Variants in HLCS observed in about 807,000 individuals in gnomAD.
The protein encoded by HLCS is biotin--protein ligase.
Under a neutral mutation model 75.0 loss-of-function variants are expected in HLCS, and 53 were observed. The observed-to-expected ratio is 0.71, with a 90% CI of 0.57 to 0.89. The LOEUF (loss-of-function observed/expected upper bound fraction) is 0.89, where lower values mean the gene tolerates loss of function less well. Ranked by LOEUF, HLCS falls within the 40% of genes least tolerant of loss-of-function variation. The pLI is 0.00. For missense variants in HLCS, 966 were observed against 1,074.0 expected (o/e 0.90, Z 1.41); for synonymous variants, 431 against 428.6 (o/e 1.01, Z -0.07).
At position 36,930,307 on chromosome 21, in the gene HLCS, A is replaced by T; in HGVS notation, c.1564T>A (p.Cys522Ser). Residue 522 changes from cysteine (C) to serine (S), a missense_variant, in exon 5 of 11, where the codon TGT becomes AGT. Transcript: ENST00000674895. Reference sequence around the variant, plus strand: ...AAGGCAGGAACTTGTTTCATGTCACAGCTGAGGCCAAGGGTTGTCAGAATC... The same window carrying T: ...AAGGCAGGAACTTGTTTCATGTCACTGCTGAGGCCAAGGGTTGTCAGAATC... Reference protein sequence around the residue: ...REILTTLGLSCDMKQVPALTP... With the variant: ...REILTTLGLSSDMKQVPALTP... 6.2e-7 allele frequency: 1 copy of T among 1,614,180 alleles called. No homozygotes were observed. Among genetic ancestry groups the T allele is most frequent in the South Asian group, 1.1e-5 (1 of 91,086 alleles).
intron 6 of HLCS, among the ~76,000 whole-genome samples, chr21:36,774,627 T>C (rs147207435): frequency 6.6e-6 from 1 of 152,136 alleles, no homozygotes; most frequent in African/African-American, 2.4e-5. Flanking sequence ...GTTTTACGAC[T>C]CCTCAAAAAT....
At chr21:36,761,870 C>T (rs1406112235) in intron 8 of HLCS, among the ~76,000 whole-genome samples, 2 of 152,190 alleles carry the variant, frequency 1.3e-5, no homozygotes, top group Non-Finnish European at 2.9e-5. Flanking sequence ...GCAGAGTTCC[C>T]AGAGCTGTCA....
At position 36,749,736 on chromosome 21, in the gene HLCS, T is replaced by C. The variant is rs1467746556; in HGVS notation, c.*4510A>G. ...TAATTAAACCGTGATTCTTGAAAGG[T>C]GTAGGTTTGATTACTAGGAGATACC... On this transcript the variant is annotated 3_prime_UTR_variant, in exon 11 of 11. Coordinates refer to ENST00000674895, the MANE Select transcript of HLCS (RefSeq NM_001352514.2). 1 of 152,168 alleles carries C rather than the reference T, an allele frequency of 6.6e-6. No homozygotes were observed. Among genetic ancestry groups the C allele is most frequent in the Non-Finnish European group, 1.5e-5 (1 of 68,030 alleles). The allele number at this position is 152,168 out of a possible 1,614,324, so 9.4% of individuals were successfully genotyped here.
intron 1 of HLCS, among the ~76,000 whole-genome samples, chr21:36,963,030 G>C: frequency 6.6e-6 from 1 of 152,192 alleles, no homozygotes; most frequent in South Asian, 2.1e-4. Context: ...TAAATCCAGA[G>C]AGAAAAGCTA....
rs775183117 is a variant in HLCS at position 36,896,985 on chromosome 21, G to A, written c.1767C>T (p.Asn589=). The A allele has an allele frequency of 1.2e-6, 2 of 1,614,174 alleles. No individual in the cohort carries two copies. Among genetic ancestry groups the A allele is most frequent in the Non-Finnish European group, 1.7e-6 (2 of 1,180,020 alleles). Residue 589 remains asparagine, a synonymous_variant, in exon 6 of 11, where the codon AAC becomes AAT. Coordinates refer to ENST00000674895, the MANE Select transcript of HLCS (RefSeq NM_001352514.2). ...ITPSCIPVVT[N]MEAFSSEHFN... is the part of the protein sequence containing the mutation. Reference sequence around the variant, plus strand: ...AATGTTCTGATGAGAAGGCCTCCATGTTGGTCACCACAGGTATACAAGATG... The same window carrying A: ...AATGTTCTGATGAGAAGGCCTCCATATTGGTCACCACAGGTATACAAGATG...
Position 36,755,724 on chromosome 21 carries a change from GCAGGGC to G in HLCS, c.2450+812_2450+817del. ...GTTTGTGCGCAGACCTGACATTTTT[GCAGGGC>G]ACAGGCCTGTTGTTGTGGAATCAGT... On this transcript the variant is annotated intron_variant, in intron 10 of 10. Transcript: ENST00000674895. 1.3e-5 allele frequency among the ~76,000 whole-genome samples: 2 copies of G among 152,180 alleles called. 1 individual carries two copies. The highest frequency in any genetic ancestry group is 3.9e-4 in the East Asian group (2 of 5,190).
At chr21:36,805,263 G>A (rs2061329113) in intron 6 of HLCS, among the ~76,000 whole-genome samples, 1 of 152,036 alleles carries the variant, frequency 6.6e-6, no homozygotes, top group African/African-American at 2.4e-5. Flanking sequence ...TTTCTCTCTC[G>A]GTTAACCCTC....
chr21:36,833,704 T>C (rs767605383), intron 6 of HLCS, among the ~76,000 whole-genome samples: 2 of 151,404 alleles, frequency 1.3e-5, no homozygotes, highest in African/African-American at 4.9e-5. Flanking sequence ...CAGAAGAGGA[T>C]AAGGCATCAG....
chr21:36,829,635 G>A (rs1483311377), intron 6 of HLCS, among the ~76,000 whole-genome samples: 1 of 152,156 alleles, frequency 6.6e-6, no homozygotes, highest in African/African-American at 2.4e-5. Flanking sequence ...GGTTCACGGT[G>A]CCATCCAATG....
intron 6 of HLCS, among the ~76,000 whole-genome samples, chr21:36,820,368 CGGCCG>C (rs1569056653): frequency 1.4e-5 from 2 of 146,848 alleles, no homozygotes; most frequent in Admixed American, 1.3e-4. Context: ...TGCCCAGCCA[CGGCCG>C]GGCCGCCGAC....
chr21:36,767,078 T>C (rs887278677), intron 7 of HLCS, 140 bp downstream of exon 7: 2 of 791,542 alleles, frequency 2.5e-6, no homozygotes, highest in Non-Finnish European at 4.4e-6. Context: ...CTTCCTCCAT[T>C]CCAGGCGGTT....
chr21:36,936,784 T>G lies in HLCS; in HGVS notation c.1102A>C (p.Thr368Pro). Residue 368 changes from threonine to proline, a missense_variant, in exon 4 of 11, where the codon ACC (threonine) becomes CCC (proline). By Grantham distance (38) the Thr-to-Pro change is conservative. Coordinates refer to ENST00000674895, the MANE Select transcript of HLCS (RefSeq NM_001352514.2). ...AGGTCTTCGGGAATGGACTCCCTGG[T>G]AGCAATGACCAACAGCAGACAGTTG... ...TDNCLLLVIA[T>P]RESIPEDLYQ... The G allele has an allele frequency of 1.2e-6, 2 of 1,614,198 alleles. No homozygotes were observed. The highest frequency in any genetic ancestry group is 3.3e-5 in the Admixed American group (2 of 60,026).
intron 3 of HLCS, 41 bp downstream of exon 3, chr21:36,938,791 A>C (rs767603121): frequency 1.3e-6 from 2 of 1,596,910 alleles, no homozygotes; most frequent in Non-Finnish European, 1.7e-6. Flanking sequence ...GGCATGAGCC[A>C]CTATGCCTGG....
chr21:36,906,799 C>T (rs2065475529), intron 5 of HLCS, among the ~76,000 whole-genome samples: 1 of 151,428 alleles, frequency 6.6e-6, no homozygotes. Flanking sequence ...TCAAGACTTA[C>T]TATAAAGTTG....
At chr21:36,972,918 T>C (rs1272507666) in intron 1 of HLCS, among the ~76,000 whole-genome samples, 1 of 152,148 alleles carries the variant, frequency 6.6e-6, no homozygotes, top group African/African-American at 2.4e-5. Flanking sequence ...GGAAATTTAA[T>C]TTAAAAAGGA....
intron 6 of HLCS, among the ~76,000 whole-genome samples, chr21:36,826,560 G>C (rs1470848281): frequency 6.6e-6 from 1 of 152,082 alleles, no homozygotes; most frequent in African/African-American, 2.4e-5. Context: ...ATCCCTTTCT[G>C]TTCAGATGTC....
intron 6 of HLCS, among the ~76,000 whole-genome samples, chr21:36,884,086 C>T (rs1370315452): frequency 6.6e-6 from 1 of 152,192 alleles, no homozygotes; most frequent in African/African-American, 2.4e-5. Context: ...TGCTTAAGGG[C>T]GAGGTTCCAA....
chr21:36,985,261 T>C (rs1482330056), intron 1 of HLCS, among the ~76,000 whole-genome samples: 1 of 152,260 alleles, frequency 6.6e-6, no homozygotes, highest in African/African-American at 2.4e-5. Context: ...GACACACATG[T>C]CATTTAGCTG....
chr21:36,947,678 G>A, intron 2 of HLCS: 2 of 985,378 alleles, frequency 2.0e-6, no homozygotes, highest in Non-Finnish European at 2.4e-6. Flanking sequence ...ATGTTACAAT[G>A]TATGGCAGCA....
Sources: allele counts gnomAD v4.1 joint callset (sites outside exome capture counted in the v4.1 genomes callset), GRCh38; gene constraint gnomAD v4.1.1; transcripts MANE v1.5; gene names NCBI Gene and HGNC (gene_info 2026-07-23, HGNC 2026-07-21).